WDR70: variants seen among roughly 807,000 people sequenced by gnomAD.
The protein encoded by WDR70 is WD repeat domain 70.
Under a neutral mutation model 88.6 loss-of-function variants are expected in WDR70, and 53 were observed. The observed-to-expected ratio is 0.60, with a 90% CI of 0.48 to 0.75. The LOEUF (loss-of-function observed/expected upper bound fraction) is 0.75, where lower values mean the gene tolerates loss of function less well. Ranked by LOEUF, WDR70 falls within the 30% of genes least tolerant of loss-of-function variation. The pLI is 0.00. For missense variants in WDR70, 610 were observed against 823.2 expected (o/e 0.74, Z 3.17); for synonymous variants, 280 against 270.0 (o/e 1.04, Z -0.36).
At chr5:37,723,170 C>G (rs1196734885) in intron 15 of WDR70, 1 of 540,982 alleles carries the variant, frequency 1.8e-6, no homozygotes, top group African/African-American at 1.9e-5. Context: ...AAAGCCTGTT[C>G]GAGTCCAATA....
rs188872427 is a variant in WDR70, at chr5:37,381,781, C to T, written c.175+96C>T. The stretch of plus-strand genomic sequence containing the variant: ...AAGAGAAAAGAATGTTGGCTGGGCG[C>T]GGTGGCTCATGCCTGTAATCCCAGC... On this transcript the variant is annotated intron_variant, in intron 3 of 17. Coordinates refer to ENST00000265107, the MANE Select transcript of WDR70 (RefSeq NM_018034.4). The T allele has an allele frequency of 2.5e-5, 33 of 1,296,816 alleles. No homozygotes were observed. In the African/African-American group the frequency reaches 3.0e-4, roughly 12 times the overall value. The allele number at this position is 1,296,816 out of a possible 1,614,324, so 80.3% of individuals were successfully genotyped here.
chr5:37,404,359 A>G (rs909342979), intron 5 of WDR70, among the ~76,000 whole-genome samples: 3 of 152,332 alleles, frequency 2.0e-5, no homozygotes, highest in Admixed American at 6.5e-5. Context: ...TTCTTCTTAA[A>G]AAAAGGGAAT....
chr5:37,640,884 G>A (rs1745084240), intron 10 of WDR70, among the ~76,000 whole-genome samples: 1 of 152,184 alleles, frequency 6.6e-6, no homozygotes, highest in Admixed American at 6.5e-5. Flanking sequence ...GGTTTGGGTA[G>A]CGTCCTTAAA....
At chr5:37,664,458 T>C (rs1444209270) in intron 10 of WDR70, among the ~76,000 whole-genome samples, 1 of 152,204 alleles carries the variant, frequency 6.6e-6, no homozygotes, top group Non-Finnish European at 1.5e-5. Flanking sequence ...AGTGGAGTAG[T>C]ATTTCCTTGT....
chr5:37,524,487 A>G (rs984443636), intron 9 of WDR70, among the ~76,000 whole-genome samples: 1 of 152,230 alleles, frequency 6.6e-6, no homozygotes, highest in Non-Finnish European at 1.5e-5. Context: ...GAAGCACTAA[A>G]CATGGAAATA....
Position 37,481,030 on chromosome 5 carries a change from A to G in WDR70, c.840+1043A>G, listed in dbSNP as rs547039896. On this transcript the variant is annotated intron_variant, in intron 8 of 17. Transcript: ENST00000265107. ...AGCAGGCAAATCTTAAAGCTCCAAA[A>G]TGACCTCCTTTGACTCCATGTGTCA... Among the ~76,000 whole-genome samples the G allele has an allele frequency of 1.6e-3, 246 of 152,324 alleles. 2 individuals carry two copies. Among genetic ancestry groups the G allele is most frequent in the African/African-American group, 5.5e-3 (229 of 41,578 alleles).
chr5:37,555,656 G>C (rs1742273386), intron 9 of WDR70, among the ~76,000 whole-genome samples: 1 of 152,162 alleles, frequency 6.6e-6, no homozygotes. Flanking sequence ...CCTTATGCCA[G>C]AAGCCCCTTT....
chr5:37,629,432 A>G (rs1581448445), intron 10 of WDR70, among the ~76,000 whole-genome samples: 1 of 152,248 alleles, frequency 6.6e-6, no homozygotes, highest in Non-Finnish European at 1.5e-5. Context: ...TGCTTGCTTA[A>G]TGATATCTCA....
intron 10 of WDR70, among the ~76,000 whole-genome samples, chr5:37,658,851 G>C (rs1745625672): frequency 6.6e-6 from 1 of 152,056 alleles, no homozygotes; most frequent in Non-Finnish European, 1.5e-5. Flanking sequence ...TTTCTGTTTT[G>C]TATTATTTTA....
At chr5:37,477,647 T>C (rs778036482) in intron 7 of WDR70, among the ~76,000 whole-genome samples, 1 of 152,228 alleles carries the variant, frequency 6.6e-6, no homozygotes, top group Non-Finnish European at 1.5e-5. Context: ...TGCATGGTTA[T>C]TCATTGCCTC....
At chr5:37,659,730 C>T (rs777004584) in intron 10 of WDR70, among the ~76,000 whole-genome samples, 1 of 152,178 alleles carries the variant, frequency 6.6e-6, no homozygotes, top group Non-Finnish European at 1.5e-5. Flanking sequence ...TCTGCATCCT[C>T]ATGTGACTGA....
At chr5:37,468,689 C>G (rs1739235321) in intron 7 of WDR70, among the ~76,000 whole-genome samples, 1 of 152,070 alleles carries the variant, frequency 6.6e-6, no homozygotes, top group Non-Finnish European at 1.5e-5. Flanking sequence ...GACACCAGAA[C>G]TTATTCCTGG....
At chr5:37,590,596 C>T (rs779205952) in intron 9 of WDR70, among the ~76,000 whole-genome samples, 7 of 151,914 alleles carry the variant, frequency 4.6e-5, no homozygotes, top group East Asian at 1.9e-4. Context: ...GCCTTAAATC[C>T]GACAAGTACC....
At chr5:37,579,295 TCCAA>T (rs1021942891) in intron 9 of WDR70, among the ~76,000 whole-genome samples, 7 of 152,140 alleles carry the variant, frequency 4.6e-5, no homozygotes, top group African/African-American at 1.7e-4. Context: ...AGACACAAAA[TCCAA>T]TTCTGGCCGG....
chr5:37,384,461 C>G (rs1252038618), intron 3 of WDR70, among the ~76,000 whole-genome samples: 1 of 151,476 alleles, frequency 6.6e-6, no homozygotes, highest in Non-Finnish European at 1.5e-5. Context: ...GAGATTGAGA[C>G]CATCCTGGCT....
intron 10 of WDR70, among the ~76,000 whole-genome samples, chr5:37,696,476 G>A (rs1253463212): frequency 6.6e-6 from 1 of 152,172 alleles, no homozygotes; most frequent in Non-Finnish European, 1.5e-5. Flanking sequence ...CTTCATAAGG[G>A]TTGCTACAAG....
chr5:37,386,232 ATGTT>A (rs1294420862), intron 3 of WDR70, among the ~76,000 whole-genome samples: 2 of 152,200 alleles, frequency 1.3e-5, no homozygotes, highest in Non-Finnish European at 2.9e-5. Context: ...AATTTAGTGA[ATGTT>A]TGTACTATCA....
chr5:37,581,410 G>A (rs1344688271), intron 9 of WDR70, among the ~76,000 whole-genome samples: 1 of 152,164 alleles, frequency 6.6e-6, no homozygotes, highest in Non-Finnish European at 1.5e-5. Context: ...GAGAGGTCAA[G>A]TGACTTGTTC....
chr5:37,680,717 G>A (rs1319422734), intron 10 of WDR70, among the ~76,000 whole-genome samples: 1 of 152,078 alleles, frequency 6.6e-6, no homozygotes, highest in Non-Finnish European at 1.5e-5. Flanking sequence ...GTAGGAGTGT[G>A]GCCTTATTTC....
Sources: gnomAD v4.1 joint callset for allele counts (sites outside exome capture counted in the v4.1 genomes callset) on GRCh38, gnomAD v4.1.1 for gene constraint, MANE v1.5 for transcripts, NCBI Gene and HGNC (gene_info 2026-07-23, HGNC 2026-07-21) for gene names.